SHOC1: variants seen among roughly 807,000 people sequenced by gnomAD.
The protein encoded by SHOC1 is protein shortage in chiasmata 1 ortholog.
Under a neutral mutation model 179.2 loss-of-function variants are expected in SHOC1, and 136 were observed. The ratio of observed to expected loss-of-function variants is 0.76; its 90% CI spans 0.66 to 0.87. The LOEUF is 0.87. Ranked by LOEUF, SHOC1 falls within the 40% of genes least tolerant of loss-of-function variation. SHOC1 has a pLI of 0.00. For synonymous variants in SHOC1, 489 were observed against 586.6 expected, an observed-to-expected ratio of 0.83 and a Z score of 2.41; for missense variants, 1,538 against 1,700.8, an observed-to-expected ratio of 0.90 and a Z score of 1.68.
At chr9:111,770,109 T>C (rs1225471456) in intron 5 of SHOC1, among the ~76,000 whole-genome samples, 1 of 151,576 alleles carries the variant, frequency 6.6e-6, no homozygotes, top group African/African-American at 2.4e-5. Flanking sequence ...GGTGCAACAT[T>C]AAGTTATTTT....
At chr9:111,710,802 G>A (rs573809625) in intron 18 of SHOC1, among the ~76,000 whole-genome samples, 9 of 152,150 alleles carry the variant, frequency 5.9e-5, no homozygotes, top group East Asian at 1.9e-4. Context: ...AACAAAGGGG[G>A]AAGAATATTC....
chr9:111,791,039 C>T (rs1033170777), intron 2 of SHOC1, among the ~76,000 whole-genome samples: 4 of 152,116 alleles, frequency 2.6e-5, no homozygotes, highest in Admixed American at 6.6e-5. Context: ...GGTGAAGATA[C>T]TGGCACTTTT....
At chr9:111,759,084 C>A in intron 5 of SHOC1, 1 of 1,460,670 alleles carries the variant, frequency 6.8e-7, no homozygotes, top group Non-Finnish European at 9.2e-7. Context: ...CCAAATATCC[C>A]AAAAGAGCTG....
At chr9:111,692,577 A>G in intron 26 of SHOC1, 66 bp from the exon 27 acceptor site, 2 of 1,273,260 alleles carry the variant, frequency 1.6e-6, no homozygotes, top group South Asian at 1.6e-5. Flanking sequence ...GCTTATCTAT[A>G]TGGAAAGAAG....
intron 8 of SHOC1, among the ~76,000 whole-genome samples, chr9:111,750,413 CA>C (rs1265723844): frequency 1.3e-5 from 2 of 152,158 alleles, no homozygotes; most frequent in Admixed American, 1.3e-4. Flanking sequence ...TAGCTCACTG[CA>C]ACCTCTACCT....
chr9:111,732,464 A>G (rs1363021203), intron 12 of SHOC1, among the ~76,000 whole-genome samples: 1 of 152,208 alleles, frequency 6.6e-6, no homozygotes, highest in Non-Finnish European at 1.5e-5. Context: ...AGACTTGCAC[A>G]AAAATATTTA....
intron 12 of SHOC1, among the ~76,000 whole-genome samples, chr9:111,736,830 A>G (rs1833831466): frequency 6.6e-6 from 1 of 152,206 alleles, no homozygotes; most frequent in Non-Finnish European, 1.5e-5. Context: ...ACTAAGATCT[A>G]ATATCCAGAC....
chr9:111,791,532 G>A, intron 1 of SHOC1, 78 bp from the exon 2 acceptor site: 1 of 537,604 alleles, frequency 1.9e-6, no homozygotes, highest in Non-Finnish European at 3.0e-6. Flanking sequence ...CAAAACTTTG[G>A]TTTACTCATT....
chr9:111,697,967 C>T (rs1290209461), intron 24 of SHOC1, among the ~76,000 whole-genome samples: 2 of 152,106 alleles, frequency 1.3e-5, no homozygotes, highest in African/African-American at 4.8e-5. Context: ...TTTCTTGTGT[C>T]TGTTGGATGC....
At chr9:111,703,325 C>T (rs1212732721) in intron 22 of SHOC1, among the ~76,000 whole-genome samples, 2 of 152,148 alleles carry the variant, frequency 1.3e-5, no homozygotes, top group African/African-American at 4.8e-5. Context: ...TCTGCTCCCA[C>T]TCCCACCCCA....
chr9:111,788,324 T>C (rs1434927209), intron 2 of SHOC1, among the ~76,000 whole-genome samples: 1 of 152,146 alleles, frequency 6.6e-6, no homozygotes, highest in Non-Finnish European at 1.5e-5. Context: ...TTTTTGTACT[T>C]TTGGTAGAGA....
intron 5 of SHOC1, among the ~76,000 whole-genome samples, chr9:111,761,960 G>T (rs958248250): frequency 6.6e-6 from 1 of 152,056 alleles, no homozygotes; most frequent in Non-Finnish European, 1.5e-5. Context: ...CATACTAGTG[G>T]ACATATAGCT....
intron 5 of SHOC1, among the ~76,000 whole-genome samples, chr9:111,767,624 C>G (rs1018073118): frequency 6.6e-6 from 1 of 152,138 alleles, no homozygotes; most frequent in Non-Finnish European, 1.5e-5. Flanking sequence ...CATTGTGATG[C>G]TTCCAGCTTT....
In SHOC1 at chr9:111,718,196, C is replaced by G. The variant is rs768926140; in HGVS notation, c.2224G>C (p.Asp742His). ...ATTCCCCACCAACCCAATGCTGTGT[C>G]CAAGCTGCATGTTAAAAGGACATCT... ...IRDVLLTCSLDTALGYLSKAK... is the reference protein window; with the variant it reads ...IRDVLLTCSLHTALGYLSKAK... Residue 742 changes from aspartate (D) to histidine (H), a missense_variant, in exon 16 of 28, where the codon GAC (aspartate) becomes CAC (histidine). Physicochemically the swap from Asp to His is moderately conservative, Grantham distance 81. Coordinates refer to ENST00000682961, the MANE Select transcript of SHOC1 (RefSeq NM_001378211.1). 1 of 1,594,444 alleles carries G rather than the reference C, an allele frequency of 6.3e-7. No homozygotes were observed. Among genetic ancestry groups the G allele is most frequent in the Non-Finnish European group, 8.5e-7 (1 of 1,173,102 alleles).
intron 2 of SHOC1, among the ~76,000 whole-genome samples, chr9:111,786,307 C>T (rs893468652): frequency 2.0e-5 from 3 of 152,028 alleles, no homozygotes; most frequent in East Asian, 1.9e-4. Context: ...TGGTTGTGGG[C>T]GCCTGTGGTC....
chr9:111,747,649 C>T (rs954851336), intron 9 of SHOC1, among the ~76,000 whole-genome samples: 4 of 151,914 alleles, frequency 2.6e-5, no homozygotes, highest in Non-Finnish European at 5.9e-5. Context: ...GGTGTAATCT[C>T]GGCTCACTAC....
intron 1 of SHOC1, among the ~76,000 whole-genome samples, 164 bp from the exon 2 acceptor site, chr9:111,791,618 A>G (rs1388011446): frequency 6.6e-6 from 1 of 152,198 alleles, no homozygotes; most frequent in Non-Finnish European, 1.5e-5. Context: ...ATATGAAAAT[A>G]ATGTATATTG....
Position 111,686,632 on chromosome 9 carries a change from A to G in SHOC1, c.*138T>C, listed in dbSNP as rs1264526734. On this transcript the variant is annotated 3_prime_UTR_variant, in exon 28 of 28. Coordinates refer to ENST00000682961, the MANE Select transcript of SHOC1 (RefSeq NM_001378211.1). ...ACCATAGGGCAGAATACATATTATG[A>G]ATATTTAATACAGAAATACTGAGAC... 6.9e-6 allele frequency: 4 copies of G among 581,434 alleles called. No homozygotes were observed. The highest frequency in any genetic ancestry group is 9.2e-6 in the Non-Finnish European group (3 of 324,916). 36.0% of individuals were successfully genotyped at this position (581,434 alleles called of 1,614,324 possible). A position where few individuals can be genotyped will look rare whatever the true frequency, so the allele number is the denominator to read the frequency against.
intron 12 of SHOC1, among the ~76,000 whole-genome samples, chr9:111,732,795 G>A (rs1441766527): frequency 6.6e-6 from 1 of 152,168 alleles, no homozygotes; most frequent in Non-Finnish European, 1.5e-5. Flanking sequence ...GAAGGAGAAT[G>A]ACTGCAAAGG....
Sources: gnomAD v4.1 joint callset for allele counts (sites outside exome capture counted in the v4.1 genomes callset) on GRCh38, gnomAD v4.1.1 for gene constraint, MANE v1.5 for transcripts, NCBI Gene and HGNC (gene_info 2026-07-23, HGNC 2026-07-21) for gene names.